SBF2: variants seen among roughly 807,000 people sequenced by gnomAD.
SBF2 encodes SET binding factor 2.
Under a neutral mutation model 225.2 loss-of-function variants are expected in SBF2, and 112 were observed. That is an observed-to-expected ratio of 0.50 (90% CI 0.43 to 0.58). The LOEUF is 0.58. SBF2 is among the 20% of genes least tolerant of loss of function. The pLI, the probability that SBF2 is intolerant of heterozygous loss-of-function variation, is 0.00. For synonymous variants in SBF2, 763 were observed against 773.3 expected (o/e 0.99, Z 0.22); for missense variants, 1,996 against 2,206.2 (o/e 0.90, Z 1.91).
chr11:9,919,341 T>C (rs552119082), intron 16 of SBF2, among the ~76,000 whole-genome samples: 3 of 151,428 alleles, frequency 2.0e-5, no homozygotes, highest in South Asian at 4.2e-4. Flanking sequence ...TCTTGGCTTG[T>C]AGTAGGACGA....
intron 1 of SBF2, among the ~76,000 whole-genome samples, chr11:10,239,560 AC>A (rs55856814): frequency 0.36 from 54,322 of 150,310 alleles, 12,366 homozygotes; most frequent in Non-Finnish European, 0.44. Flanking sequence ...TGTGTCTGTA[AC>A]ATCCTGCTGT....
rs1265405196 is a variant in SBF2, at chr11:10,294,098, G to A, written c.-29C>T. 8 of 1,336,084 alleles carry A rather than the reference G, an allele frequency of 6.0e-6. No individual in the cohort carries two copies. The highest frequency in any genetic ancestry group is 2.1e-5 in the South Asian group (1 of 48,676). 82.8% of individuals were successfully genotyped at this position (1,336,084 alleles called of 1,614,324 possible). A position where few individuals can be genotyped will look rare whatever the true frequency, so the allele number is the denominator to read the frequency against. On this transcript the variant is annotated 5_prime_UTR_variant, in exon 1 of 40. Transcript: ENST00000256190. ...CGCCGCCGCCGCGCTCGGGAAGCGG[G>A]TCCCCGTCGCCGCCCTCGCCGCCGC...
At chr11:10,095,145 G>C (rs1951965466) in intron 2 of SBF2, among the ~76,000 whole-genome samples, 1 of 151,804 alleles carries the variant, frequency 6.6e-6, no homozygotes, top group South Asian at 2.1e-4. Flanking sequence ...CTAGTCTGAA[G>C]CTCCTGGCTT....
intron 38 of SBF2, among the ~76,000 whole-genome samples, chr11:9,783,434 A>C (rs1347625245): frequency 1.3e-5 from 2 of 152,230 alleles, no homozygotes; most frequent in Admixed American, 1.3e-4. Flanking sequence ...TTCCTAACAG[A>C]TTCCATTTTA....
At chr11:10,269,337 G>A (rs1434981633) in intron 1 of SBF2, among the ~76,000 whole-genome samples, 3 of 152,094 alleles carry the variant, frequency 2.0e-5, no homozygotes, top group Admixed American at 1.3e-4. Context: ...AAAGATAGGC[G>A]TGCCAGTTTG....
chr11:9,836,325 G>A lies in SBF2; in HGVS notation c.3455+3173C>T, dbSNP rs1253339638. On this transcript the variant is annotated intron_variant, in intron 26 of 39. Transcript: ENST00000256190. ...ATAGATCTATAGGTCAATGGGAATA[G>A]GTCAAGATTAATTTTTCCCAGCATC... Among the ~76,000 whole-genome samples the A allele has an allele frequency of 5.3e-5, 8 of 152,192 alleles. No individual in the cohort carries two copies. In the East Asian group the frequency reaches 1.5e-3, roughly 29 times the overall value.
intron 1 of SBF2, among the ~76,000 whole-genome samples, chr11:10,249,308 AG>A (rs1960112737): frequency 6.6e-6 from 1 of 152,242 alleles, no homozygotes. Context: ...AAGATTGGAC[AG>A]ATTTGTCTAA....
intron 6 of SBF2, among the ~76,000 whole-genome samples, chr11:10,014,868 GC>G (rs749966247): frequency 5.9e-5 from 9 of 152,244 alleles, no homozygotes; most frequent in Admixed American, 1.3e-4. Context: ...AGTGGCTCAT[GC>G]CTGTAATCCC....
chr11:10,102,083 C>A (rs570905737), intron 2 of SBF2, among the ~76,000 whole-genome samples: 1 of 152,186 alleles, frequency 6.6e-6, no homozygotes, highest in African/African-American at 2.4e-5. Context: ...GTTTTAAAGA[C>A]TACTGGTAAA....
chr11:9,905,224 T>C (rs16907241), intron 16 of SBF2, among the ~76,000 whole-genome samples: 9,460 of 152,286 alleles, frequency 0.062, 482 homozygotes, highest in East Asian at 0.28. Flanking sequence ...TCACACTCTA[T>C]TGTGATTATC....
intron 16 of SBF2, among the ~76,000 whole-genome samples, chr11:9,913,742 C>T (rs1862842124): frequency 6.6e-6 from 1 of 151,932 alleles, no homozygotes; most frequent in Admixed American, 6.6e-5. Context: ...AGTGACAGTC[C>T]AGAGGTATGG....
intron 1 of SBF2, among the ~76,000 whole-genome samples, chr11:10,215,578 G>A (rs1397754613): frequency 1.3e-5 from 2 of 152,086 alleles, no homozygotes; most frequent in African/African-American, 2.4e-5. Flanking sequence ...AGCCGTGACC[G>A]TACCACTGCA....
chr11:9,780,424 A>C lies in SBF2; in HGVS notation c.5544T>G (p.Asp1848Glu). Residue 1848 changes from aspartate to glutamate, a missense_variant, in exon 40 of 40, where the codon GAT (aspartate) becomes GAG (glutamate). Transcript: ENST00000256190. Reference sequence around the variant, plus strand: ...CGTGGGTTGACCATGGGCATCAGGCATCAGAGATACAACTCTGGATCTTGT... The same window carrying C: ...CGTGGGTTGACCATGGGCATCAGGCCTCAGAGATACAACTCTGGATCTTGT... ...WMDKIQSCIS[D>E]A 5 of 1,613,640 alleles carry C rather than the reference A, an allele frequency of 3.1e-6. No homozygotes were observed. The highest frequency in any genetic ancestry group is 4.2e-6 in the Non-Finnish European group (5 of 1,179,554).
At chr11:10,074,980 C>T (rs946097436) in intron 2 of SBF2, among the ~76,000 whole-genome samples, 1 of 152,126 alleles carries the variant, frequency 6.6e-6, no homozygotes, top group Non-Finnish European at 1.5e-5. Context: ...TTAGGGAGAA[C>T]GTGTTAACAT....
intron 1 of SBF2, among the ~76,000 whole-genome samples, chr11:10,229,164 C>T (rs1345160041): frequency 3.9e-5 from 6 of 152,008 alleles, no homozygotes; most frequent in African/African-American, 4.8e-5. Flanking sequence ...GTGGTGATAT[C>T]CCCTTTGTCA....
intron 25 of SBF2, among the ~76,000 whole-genome samples, chr11:9,841,832 C>G (rs1235848371): frequency 1.3e-5 from 2 of 152,192 alleles, no homozygotes; most frequent in Admixed American, 1.3e-4. Flanking sequence ...CTGCGCCTGG[C>G]CCACATAGGT....
chr11:9,807,805 T>C, intron 32 of SBF2, 195 bp downstream of exon 32: 5 of 629,440 alleles, frequency 7.9e-6, no homozygotes. Context: ...TTAGCTGTCC[T>C]AGTTTCAGAA....
chr11:10,270,035 C>T (rs1591340845), intron 1 of SBF2, among the ~76,000 whole-genome samples: 1 of 152,156 alleles, frequency 6.6e-6, no homozygotes, highest in South Asian at 2.1e-4. Flanking sequence ...CATCACAGCA[C>T]TATTTATAAC....
chr11:10,047,183 A>G (rs1006719814), intron 2 of SBF2, among the ~76,000 whole-genome samples: 5 of 152,150 alleles, frequency 3.3e-5, no homozygotes, highest in African/African-American at 1.2e-4. Flanking sequence ...ATACTGACAA[A>G]ATGTCAGTTT....
Sources: gnomAD v4.1 joint callset for allele counts (sites outside exome capture counted in the v4.1 genomes callset) on GRCh38, gnomAD v4.1.1 for gene constraint, MANE v1.5 for transcripts, NCBI Gene and HGNC (gene_info 2026-07-23, HGNC 2026-07-21) for gene names.